The following DNMBP variants were observed in gnomAD, a reference collection of about 807,000 sequenced individuals.
The protein encoded by DNMBP is dynamin binding protein.
In DNMBP, 87 loss-of-function variants were observed where a neutral mutation model predicts 150.0. The observed-to-expected ratio is 0.58, with a 90% CI of 0.49 to 0.69. The LOEUF (loss-of-function observed/expected upper bound fraction) is 0.69, where lower values mean the gene tolerates loss of function less well. Ranked by LOEUF, DNMBP falls within the 30% of genes least tolerant of loss-of-function variation. The pLI is 0.00. For synonymous variants in DNMBP, 711 were observed against 750.4 expected (o/e 0.95, Z 0.86); for missense variants, 1,774 against 1,949.0 (o/e 0.91, Z 1.69).
intron 3 of DNMBP, among the ~76,000 whole-genome samples, chr10:99,965,106 A>G (rs2040607333): frequency 1.3e-5 from 2 of 152,176 alleles, no homozygotes; most frequent in Non-Finnish European, 2.9e-5. Context: ...GCCCAGGTTA[A>G]GACTAATAAG....
intron 4 of DNMBP, among the ~76,000 whole-genome samples, chr10:99,945,699 T>G (rs773625466): frequency 6.6e-6 from 1 of 152,216 alleles, no homozygotes; most frequent in Non-Finnish European, 1.5e-5. Flanking sequence ...TTGTCCAGTG[T>G]TTTCCACTGC....
intron 15 of DNMBP, 101 bp downstream of exon 15, chr10:99,883,910 T>C (rs1295446821): frequency 3.0e-6 from 3 of 1,012,244 alleles, no homozygotes; most frequent in Admixed American, 2.3e-5. Context: ...TAATCAAAGA[T>C]ACTTTTTGCT....
intron 15 of DNMBP, among the ~76,000 whole-genome samples, chr10:99,882,513 G>A (rs1341528612): frequency 1.3e-5 from 2 of 152,148 alleles, no homozygotes; most frequent in African/African-American, 4.8e-5. Context: ...GAGCCTGGGA[G>A]GTGGAGGCTG....
intron 4 of DNMBP, among the ~76,000 whole-genome samples, chr10:99,948,240 T>G (rs554988780): frequency 1.3e-5 from 2 of 152,226 alleles, no homozygotes; most frequent in Non-Finnish European, 2.9e-5. Flanking sequence ...ATAAAACCTC[T>G]GAAAATGTTA....
Position 99,955,401 on chromosome 10 carries a change from G to C in DNMBP, c.2073C>G (p.Cys691Trp). Residue 691 changes from cysteine to tryptophan, a missense_variant, in exon 4 of 17, where the codon TGC (cysteine) becomes TGG (tryptophan). Transcript: ENST00000324109. ...CCTCAATCCTCACCAGCACTAAGGG[G>C]CATGGGGAGGTCTGGTCCAGACTCC... ...MGRSLDQTSP[C>W]PLVLVRIEEM... 7 of 1,614,124 alleles carry C rather than the reference G, an allele frequency of 4.3e-6. No individual in the cohort carries two copies. The highest frequency in any genetic ancestry group is 5.9e-6 in the Non-Finnish European group (7 of 1,180,014).
chr10:99,880,669 G>A (rs2039353221), intron 15 of DNMBP, among the ~76,000 whole-genome samples: 8 of 152,180 alleles, frequency 5.3e-5, no homozygotes, highest in Admixed American at 5.2e-4. Flanking sequence ...GGCCAACTGA[G>A]AAGACAGCAA....
intron 1 of DNMBP, among the ~76,000 whole-genome samples, chr10:99,978,240 G>A (rs751625068): frequency 6.6e-6 from 1 of 152,046 alleles, no homozygotes; most frequent in Non-Finnish European, 1.5e-5. Context: ...TCTTTTTATG[G>A]CAAACATCAC....
In DNMBP at chr10:99,955,814, G is replaced by T; in HGVS notation, c.1660C>A (p.Gln554Lys). The T allele has an allele frequency of 6.2e-7, 1 of 1,614,254 alleles. No individual in the cohort carries two copies. The highest frequency in any genetic ancestry group is 8.5e-7 in the Non-Finnish European group (1 of 1,180,050). Reference protein sequence around the residue: ...GSTDLDSKLTQQLIEFEKSLA... With the variant: ...GSTDLDSKLTKQLIEFEKSLA... ...CTCTTCTCAAACTCGATCAGCTGTT[G>T]TGTCAGCTTCGAGTCCAGGTCAGTG... The change falls in exon 4 of 17, where the codon CAA becomes AAA. Residue 554 changes from glutamine (Q) to lysine (K), a missense_variant. Gln to Lys is a moderately conservative substitution (Grantham distance 53). Coordinates refer to ENST00000324109, the MANE Select transcript of DNMBP (RefSeq NM_015221.4).
Position 99,903,504 on chromosome 10 carries a change from TG to T in DNMBP, c.2555-3439del, listed in dbSNP as rs532261862. On this transcript the variant is annotated intron_variant, in intron 6 of 16. Transcript: ENST00000324109. ...TGCCCCACCATACCTGGCTAATTTT[TG>T]TATGTTTTGTAGGGATGGTGTTTCA... Among the ~76,000 whole-genome samples, 106 of 152,182 alleles carry T rather than the reference TG, an allele frequency of 7.0e-4. 2 individuals carry two copies. The South Asian group carries it at 0.02, about 29-fold the overall frequency.
intron 9 of DNMBP, among the ~76,000 whole-genome samples, chr10:99,897,429 A>G (rs2039671577): frequency 6.6e-6 from 1 of 152,136 alleles, no homozygotes; most frequent in Admixed American, 6.5e-5. Flanking sequence ...CCAATTAGAC[A>G]CTTAGAAAAA....
intron 1 of DNMBP, among the ~76,000 whole-genome samples, chr10:99,987,011 C>T (rs1052261979): frequency 3.3e-5 from 5 of 151,670 alleles, no homozygotes; most frequent in Admixed American, 2.0e-4. Flanking sequence ...AAAAATTAGC[C>T]GGGTGTGGTG....
intron 1 of DNMBP, among the ~76,000 whole-genome samples, chr10:100,001,999 A>G (rs903932535): frequency 4.6e-5 from 7 of 152,152 alleles, no homozygotes; most frequent in African/African-American, 1.2e-4. Flanking sequence ...GGAGCAAGCT[A>G]TCACCCCACT....
In DNMBP at chr10:99,955,443, G is replaced by A. The variant is rs2040474872; in HGVS notation, c.2031C>T (p.Gly677=). 4 of 1,611,276 alleles carry A rather than the reference G, an allele frequency of 2.5e-6. No homozygotes were observed. The South Asian group carries it at 4.4e-5, about 18-fold the overall frequency. Residue 677 remains glycine, a synonymous_variant, in exon 4 of 17, where the codon GGC becomes GGT. Transcript: ENST00000324109. The part of the protein sequence containing the change: ...RPTCETLEKE[G]PGHMGRSLDQ... ...CCAGACTCCTTCCCATATGACCAGG[G>A]CCCTCCTTTTCTAAGGTCTCACAGG... is the stretch of plus-strand genomic sequence containing the variant.
At chr10:99,914,984 C>T (rs974220591) in intron 4 of DNMBP, among the ~76,000 whole-genome samples, 1 of 150,470 alleles carries the variant, frequency 6.6e-6, no homozygotes, top group Non-Finnish European at 1.5e-5. Context: ...ATCCCAGCTA[C>T]TTGGGAGGCT....
At chr10:99,945,025 C>T (rs1002415902) in intron 4 of DNMBP, among the ~76,000 whole-genome samples, 3 of 152,262 alleles carry the variant, frequency 2.0e-5, no homozygotes, top group Admixed American at 6.5e-5. Flanking sequence ...AGCTGAGTTC[C>T]GATACCTTGG....
At chr10:99,963,778 TC>T (rs1714220999) in intron 3 of DNMBP, among the ~76,000 whole-genome samples, 1 of 149,454 alleles carries the variant, frequency 6.7e-6, no homozygotes, top group South Asian at 2.2e-4. Flanking sequence ...CTGACTGCAG[TC>T]CTGGGTTCCT....
rs987858643 is a variant in DNMBP, at chr10:99,884,437, C to T, written c.3799-228G>A. 2.0e-5 allele frequency among the ~76,000 whole-genome samples: 3 copies of T among 152,108 alleles called. No homozygotes were observed. The East Asian group carries it at 5.8e-4, about 29-fold the overall frequency. ...TATAGTTAAGAAAATTTAACACACA[C>T]CTATTCTTACATTTGTTTTCTTGTG... On this transcript the variant is annotated intron_variant, in intron 14 of 16. Coordinates refer to ENST00000324109, the MANE Select transcript of DNMBP (RefSeq NM_015221.4).
intron 1 of DNMBP, among the ~76,000 whole-genome samples, chr10:99,995,607 T>C (rs946685420): frequency 5.9e-5 from 9 of 152,154 alleles, no homozygotes; most frequent in East Asian, 5.8e-4. Context: ...AACAGGCTTG[T>C]TGGGGGCATT....
rs193252564 is a variant in DNMBP, at chr10:99,950,619, T to G, written c.2260+4595A>C. Among the ~76,000 whole-genome samples, 62 of 152,276 alleles carry G rather than the reference T, an allele frequency of 4.1e-4. 1 individual carries two copies. The highest frequency in any genetic ancestry group is 7.4e-5 in the Non-Finnish European group (5 of 68,014). Reference sequence around the variant, plus strand: ...AACTTGTTGGGAACTGGACCAAAAGTGACTCTTGTTATATTTTAGCAAAGA... The same window carrying G: ...AACTTGTTGGGAACTGGACCAAAAGGGACTCTTGTTATATTTTAGCAAAGA... On this transcript the variant is annotated intron_variant, in intron 4 of 16. Coordinates refer to ENST00000324109, the MANE Select transcript of DNMBP (RefSeq NM_015221.4).
Sources: gnomAD v4.1 joint callset for allele counts (sites outside exome capture counted in the v4.1 genomes callset) on GRCh38, gnomAD v4.1.1 for gene constraint, MANE v1.5 for transcripts, NCBI Gene and HGNC (gene_info 2026-07-23, HGNC 2026-07-21) for gene names.